Variants in MAGEC3 observed in about 807,000 individuals in gnomAD.
The protein encoded by MAGEC3 is melanoma-associated antigen C3.
In MAGEC3, 34 loss-of-function variants were observed where a neutral mutation model predicts 35.3. The ratio of observed to expected loss-of-function variants is 0.96; its 90% CI spans 0.73 to 1.28. The LOEUF (loss-of-function observed/expected upper bound fraction) is 1.28, where lower values mean the gene tolerates loss of function less well. Among genes scored for constraint, MAGEC3 ranks in the 50% most tolerant of loss-of-function variants. The pLI, the probability that MAGEC3 is intolerant of heterozygous loss-of-function variation, is 0.00. For missense variants in MAGEC3, 561 were observed against 483.6 expected (o/e 1.16, Z -1.50); for synonymous variants, 202 against 185.6 (o/e 1.09, Z -0.72).
At chrX:141,859,727 G>A (rs1307865562) in intron 1 of MAGEC3, among the ~76,000 whole-genome samples, 2 of 111,015 alleles carry the variant, frequency 1.8e-5, no homozygotes, top group African/African-American at 6.6e-5. Context: ...ATGACAGTGA[G>A]TTTTGGGGGT....
chrX:141,891,606 G>A (rs1334405543), intron 4 of MAGEC3, among the ~76,000 whole-genome samples: 1 of 107,878 alleles, frequency 9.3e-6, no homozygotes. Flanking sequence ...ACAATGTGGT[G>A]TGTAAATTTT....
intron 1 of MAGEC3, among the ~76,000 whole-genome samples, chrX:141,848,060 G>T (rs185853270): frequency 1.8e-5 from 2 of 110,029 alleles, no homozygotes; most frequent in African/African-American, 6.6e-5. Context: ...GTATGTGTAT[G>T]TATACATATG....
intron 4 of MAGEC3, among the ~76,000 whole-genome samples, chrX:141,889,691 G>A (rs1218125154): frequency 8.9e-6 from 1 of 111,790 alleles, no homozygotes; most frequent in Non-Finnish European, 1.9e-5. Flanking sequence ...AAGGTCAATG[G>A]GAAACTACAA....
chrX:141,855,386 A>ATAG (rs2017774241), intron 1 of MAGEC3, among the ~76,000 whole-genome samples: 1 of 111,311 alleles, frequency 9.0e-6, no homozygotes, highest in African/African-American at 3.3e-5. Flanking sequence ...TTAATAACTA[A>ATAG]TAGTCATTAC....
Position 141,843,971 on chromosome X carries a change from T to C in MAGEC3, c.123+5533T>C, listed in dbSNP as rs190195061. Among the ~76,000 whole-genome samples the C allele has an allele frequency of 2.1e-3, 236 of 110,710 alleles. 1 individual carries two copies. Among genetic ancestry groups the C allele is most frequent in the African/African-American group, 7.2e-3 (221 of 30,642 alleles). ...TGAACTTTGTAGTACTTATTCCCTT[T>C]CTCTTCTCTTTGGAGTGTATGATGT... On this transcript the variant is annotated intron_variant, in intron 1 of 7. Coordinates refer to ENST00000298296, the MANE Select transcript of MAGEC3 (RefSeq NM_138702.1).
At chrX:141,840,707 T>G (rs2124077539) in intron 1 of MAGEC3, among the ~76,000 whole-genome samples, 1 of 110,725 alleles carries the variant, frequency 9.0e-6, no homozygotes, top group East Asian at 2.9e-4. Flanking sequence ...TTCAGCCTGA[T>G]GTATTAGCAT....
Position 141,838,737 on chromosome X carries a change from G to A in MAGEC3, c.123+299G>A, listed in dbSNP as rs774069819. 5 of 751,709 alleles carry A rather than the reference G, an allele frequency of 6.7e-6. No homozygotes were observed. In the East Asian group the frequency reaches 4.6e-4, roughly 69 times the overall value. The allele number at this position is 751,709 out of a possible 1,213,427, so 61.9% of individuals were successfully genotyped here. On this transcript the variant is annotated intron_variant, in intron 1 of 7. Transcript: ENST00000298296. ...ATCGGGGGTGAGGCTCTGCAGTGGT[G>A]CCTCATTTGTGCCTCAGTCCTAAAA... is the stretch of plus-strand genomic sequence containing the variant.
rs779847647 is a variant in MAGEC3, at chrX:141,895,389, G to C, written c.1030G>C (p.Asp344His). The stretch of plus-strand genomic sequence containing the variant: ...CAGGTCAGCAGAGGGAAGCGTCTTA[G>C]ACCTGGCCAATCCTCAAGGTAAGGG... ...GLRSAEGSVL[D>H]LANPQGLAGH... is the part of the protein sequence containing the mutation. Residue 344 changes from aspartate to histidine, a missense_variant, in exon 5 of 8, where the codon GAC (aspartate) becomes CAC (histidine). Physicochemically the swap from Asp to His is moderately conservative, Grantham distance 81. Transcript: ENST00000298296. 1 of 1,211,071 alleles carries C rather than the reference G, an allele frequency of 8.3e-7. No homozygotes were observed. Among genetic ancestry groups the C allele is most frequent in the South Asian group, 1.8e-5 (1 of 56,934 alleles).
chrX:141,889,364 C>A (rs1166871656), intron 4 of MAGEC3, among the ~76,000 whole-genome samples: 1 of 111,812 alleles, frequency 8.9e-6, no homozygotes, highest in Non-Finnish European at 1.9e-5. Flanking sequence ...CCACTAGCAA[C>A]ACTTTTGCTT....
At chrX:141,839,925 G>C (rs2017676277) in intron 1 of MAGEC3, 1 of 627,966 alleles carries the variant, frequency 1.6e-6, no homozygotes, top group Admixed American at 8.9e-5. Flanking sequence ...CCTCACACAA[G>C]AAAGAATTAT....
In MAGEC3 at chrX:141,893,468, A is replaced by G. The variant is rs191414931; in HGVS notation, c.910-1801A>G. ...TAAAATGGTGTAACAAGTCTGTGTG[A>G]TACTGTAATGATGAATACTCACCAT... is the stretch of plus-strand genomic sequence containing the variant. On this transcript the variant is annotated intron_variant, in intron 4 of 7. Coordinates refer to ENST00000298296, the MANE Select transcript of MAGEC3 (RefSeq NM_138702.1). 4.7e-3 allele frequency among the ~76,000 whole-genome samples: 525 copies of G among 110,858 alleles called. 1 individual carries two copies. The highest frequency in any genetic ancestry group is 0.016 in the African/African-American group (493 of 30,423).
intron 4 of MAGEC3, among the ~76,000 whole-genome samples, chrX:141,892,430 T>G (rs1292368173): frequency 8.9e-6 from 1 of 111,742 alleles, no homozygotes; most frequent in Non-Finnish European, 1.9e-5. Context: ...CTGGGACAAG[T>G]ACATATAATT....
chrX:141,844,454 C>T (rs1177972167), intron 1 of MAGEC3, among the ~76,000 whole-genome samples: 3 of 110,839 alleles, frequency 2.7e-5, no homozygotes, highest in Non-Finnish European at 3.8e-5. Context: ...TCTGCTGTTT[C>T]ACTGTTATGT....
intron 4 of MAGEC3, among the ~76,000 whole-genome samples, chrX:141,883,877 A>G (rs1603074669): frequency 1.8e-5 from 2 of 113,246 alleles, no homozygotes; most frequent in East Asian, 5.6e-4. Flanking sequence ...GAGAAAAGAA[A>G]ATTATGGTTA....
intron 1 of MAGEC3, among the ~76,000 whole-genome samples, chrX:141,859,277 T>A (rs2017800818): frequency 9.0e-6 from 1 of 111,376 alleles, no homozygotes; most frequent in African/African-American, 3.3e-5. Flanking sequence ...CCTTTTGATT[T>A]GTATTTCCAC....
At chrX:141,844,049 C>T (rs1049978374) in intron 1 of MAGEC3, among the ~76,000 whole-genome samples, 3 of 110,532 alleles carry the variant, frequency 2.7e-5, no homozygotes, top group Non-Finnish European at 5.7e-5. Context: ...GAAGCTTATA[C>T]GTATCATGTC....
chrX:141,847,537 T>G (rs752369507), intron 1 of MAGEC3, among the ~76,000 whole-genome samples: 1 of 111,251 alleles, frequency 9.0e-6, no homozygotes, highest in Non-Finnish European at 1.9e-5. Flanking sequence ...ACAATGAAGT[T>G]CAATTAGAAA....
intron 1 of MAGEC3, among the ~76,000 whole-genome samples, chrX:141,843,536 A>G (rs1355211129): frequency 1.8e-5 from 2 of 111,511 alleles, no homozygotes; most frequent in Non-Finnish European, 3.8e-5. Context: ...AATACGTGTG[A>G]GGGAAAAATA....
intron 1 of MAGEC3, chrX:141,839,364 A>G (rs1415595675): frequency 1.4e-6 from 1 of 715,835 alleles, no homozygotes; most frequent in Non-Finnish European, 1.7e-6. Flanking sequence ...CCAAGAAATA[A>G]TTTTTAAAGG....
Sources: allele counts gnomAD v4.1 joint callset (sites outside exome capture counted in the v4.1 genomes callset), GRCh38; gene constraint gnomAD v4.1.1; transcripts MANE v1.5; gene names NCBI Gene and HGNC (gene_info 2026-07-23, HGNC 2026-07-21).